The following BPIFC variants were observed in gnomAD, a reference collection of about 807,000 sequenced individuals.
BPIFC encodes BPI fold-containing family C protein.
BPIFC carries 60 observed loss-of-function variants against 57.6 expected under a neutral mutation model. That is an observed-to-expected ratio of 1.04 (90% CI 0.85 to 1.29). BPIFC has a LOEUF of 1.29. Ranked by LOEUF, BPIFC falls within the 50% of genes most tolerant of loss-of-function variation. BPIFC has a pLI of 0.00. For missense variants in BPIFC, 581 were observed against 600.5 expected (o/e 0.97, Z 0.34); for synonymous variants, 243 against 224.5 (o/e 1.08, Z -0.74).
chr22:32,421,303 C>T (rs1294355026), intron 13 of BPIFC, among the ~76,000 whole-genome samples: 1 of 152,166 alleles, frequency 6.6e-6, no homozygotes, highest in Non-Finnish European at 1.5e-5. Context: ...GAGAAGACTC[C>T]TTCATTTTGC....
At chr22:32,452,586 C>T (rs9609557) in intron 4 of BPIFC, among the ~76,000 whole-genome samples, 79,465 of 150,648 alleles carry the variant, frequency 0.53, 21,674 homozygotes, top group African/African-American at 0.64. Context: ...TGCAGTGAGC[C>T]GAGATCGCGC....
At chr22:32,416,984 A>T in intron 15 of BPIFC, 101 bp downstream of exon 15, 1 of 1,062,520 alleles carries the variant, frequency 9.4e-7, no homozygotes, top group South Asian at 1.3e-5. Flanking sequence ...TAGAAGTACA[A>T]GCTTCAGGGT....
chr22:32,437,358 G>A (rs568464272), intron 9 of BPIFC, among the ~76,000 whole-genome samples: 2 of 152,196 alleles, frequency 1.3e-5, no homozygotes, highest in South Asian at 2.1e-4. Context: ...CTTCTGTACA[G>A]AATCATTGTT....
At chr22:32,459,540 G>A (rs1935114396) in intron 2 of BPIFC, among the ~76,000 whole-genome samples, 1 of 152,122 alleles carries the variant, frequency 6.6e-6, no homozygotes, top group South Asian at 2.1e-4. Flanking sequence ...GCGGGCGCTT[G>A]TAGTCCCAGC....
rs567530855 is a variant in BPIFC, at chr22:32,435,152, C to T, written c.924+552G>A. On this transcript the variant is annotated intron_variant, in intron 10 of 16. Transcript: ENST00000300399. ...TTTTCCAGATGAAGAAATTCTGGCCCACAGAAGTTATATAAATTGAAATTA... is the reference window on the plus strand; with the variant it reads ...TTTTCCAGATGAAGAAATTCTGGCCTACAGAAGTTATATAAATTGAAATTA... Among the ~76,000 whole-genome samples, 141 of 152,108 alleles carry T rather than the reference C, an allele frequency of 9.3e-4. 2 individuals carry two copies. Among genetic ancestry groups the T allele is most frequent in the African/African-American group, 3.0e-3 (124 of 41,484 alleles).
chr22:32,432,269 T>C, intron 12 of BPIFC, 104 bp downstream of exon 12: 1 of 1,253,092 alleles, frequency 8.0e-7, no homozygotes, highest in East Asian at 2.3e-5. Flanking sequence ...TTAATCAATG[T>C]AGCATCCCCA....
chr22:32,416,056 G>A, intron 15 of BPIFC, 65 bp from the exon 16 acceptor site: 2 of 809,714 alleles, frequency 2.5e-6, no homozygotes, highest in East Asian at 3.5e-5. Flanking sequence ...AAGCTTTTTA[G>A]TAAGAGACTG....
At chr22:32,442,900 G>A (rs1399733086) in intron 7 of BPIFC, among the ~76,000 whole-genome samples, 169 bp from the exon 8 acceptor site, 5 of 152,128 alleles carry the variant, frequency 3.3e-5, no homozygotes, top group African/African-American at 1.2e-4. Flanking sequence ...CTCGCTTTAC[G>A]TAGATACGGG....
At chr22:32,454,302 C>CT (rs1934979995) in intron 3 of BPIFC, among the ~76,000 whole-genome samples, 1 of 152,284 alleles carries the variant, frequency 6.6e-6, no homozygotes, top group South Asian at 2.1e-4. Context: ...TAGGAAACTC[C>CT]TGAACTACAT....
chr22:32,424,662 CTTCTTCT>C lies in BPIFC; in HGVS notation c.1218-5265_1218-5259del, dbSNP rs1569448013. 1.8e-3 allele frequency among the ~76,000 whole-genome samples: 119 copies of C among 67,934 alleles called. 16 individuals are homozygous for C. In the East Asian group the frequency reaches 0.022, roughly 12 times the overall value. The allele number at this position is 67,934 out of a possible 152,430, so 44.6% of individuals were successfully genotyped here. ...TTCTTCTCTTCTTCTTCTTCTTCTT[CTTCTTCT>C]TCTTCTTCTTCTTCTTCTTCTTCCT... is the stretch of plus-strand genomic sequence containing the variant. On this transcript the variant is annotated intron_variant, in intron 13 of 16. Transcript: ENST00000300399.
intron 2 of BPIFC, among the ~76,000 whole-genome samples, chr22:32,461,085 A>G (rs931662645): frequency 6.6e-6 from 1 of 152,072 alleles, no homozygotes; most frequent in African/African-American, 2.4e-5. Flanking sequence ...CAGGAAGTTG[A>G]GTGCCAGATC....
At position 32,414,434 on chromosome 22, in the gene BPIFC, G is replaced by C; in HGVS notation, c.1402-9C>G. ...GAAATCAAAAGGAAACCCTGGAAAG[G>C]ATGTGACAATGAAGATAACGTCAAA... is the stretch of plus-strand genomic sequence containing the variant. On this transcript the variant is annotated splice_polypyrimidine_tract_variant and intron_variant, in intron 16 of 16. Transcript: ENST00000300399. 1 of 1,612,766 alleles carries C rather than the reference G, an allele frequency of 6.2e-7. No individual in the cohort carries two copies. Among genetic ancestry groups the C allele is most frequent in the Non-Finnish European group, 8.5e-7 (1 of 1,179,254 alleles).
intron 4 of BPIFC, among the ~76,000 whole-genome samples, chr22:32,449,439 A>G (rs73170355): frequency 2.0e-4 from 30 of 152,318 alleles, no homozygotes; most frequent in Non-Finnish European, 4.1e-4. Flanking sequence ...TGCTAATAAT[A>G]TTTCCTCTTC....
chr22:32,440,651 T>C (rs1934539716), intron 8 of BPIFC, among the ~76,000 whole-genome samples: 1 of 152,218 alleles, frequency 6.6e-6, no homozygotes, highest in Non-Finnish European at 1.5e-5. Flanking sequence ...TCTCAATAAA[T>C]GCTAAATCCC....
In BPIFC at chr22:32,457,277, C is replaced by G. The variant is rs1456048527; in HGVS notation, c.110G>C (p.Arg37Thr). 1 of 1,602,778 alleles carries G rather than the reference C, an allele frequency of 6.2e-7. No homozygotes were observed. Among genetic ancestry groups the G allele is most frequent in the Non-Finnish European group, 8.5e-7 (1 of 1,177,514 alleles). The part of the protein sequence containing the change: ...YPGIKARITQ[R>T]ALDYGVQAGM... ...ATCCAACTCACCATAGTCAAGTGCC[C>G]TCTGAGTAATCCTTGCCTTGATTCC... is the stretch of plus-strand genomic sequence containing the variant. Residue 37 changes from arginine to threonine, a missense_variant, in exon 3 of 17, where the codon AGG becomes ACG. Arg to Thr is a moderately conservative substitution (Grantham distance 71). Transcript: ENST00000300399.
At chr22:32,453,942 C>CAAA (rs34168726) in intron 3 of BPIFC, among the ~76,000 whole-genome samples, 7 of 145,988 alleles carry the variant, frequency 4.8e-5, no homozygotes, top group Non-Finnish European at 4.5e-5. Context: ...ACAACAACAA[C>CAAA]AAAAAAAAAA....
chr22:32,432,430 G>C lies in BPIFC; in HGVS notation c.1092C>G (p.Ile364Met), dbSNP rs1396735513. The C allele has an allele frequency of 1.4e-5, 22 of 1,614,014 alleles. No homozygotes were observed. The highest frequency in any genetic ancestry group is 1.9e-5 in the Non-Finnish European group (22 of 1,180,052). ...AGTTCTTGGGTTGGGTGAGCATCAT[G>C]ATGGAGGCAGGGATGTCCAGGGTGA... Reference protein sequence around the residue: ...GNFTLDIPASIMMLTQPKNST... With the variant: ...GNFTLDIPASMMMLTQPKNST... Residue 364 changes from isoleucine (I) to methionine (M), a missense_variant, in exon 12 of 17, where the codon ATC becomes ATG. Ile to Met is a conservative substitution (Grantham distance 10). Coordinates refer to ENST00000300399, the MANE Select transcript of BPIFC (RefSeq NM_174932.3).
rs372972204 is a variant in BPIFC, at chr22:32,431,446, C to T, written c.1150-32G>A. 84 of 1,200,402 alleles carry T rather than the reference C, an allele frequency of 7.0e-5. 1 individual carries two copies. The Admixed American group carries it at 9.3e-4, about 13-fold the overall frequency. The allele number at this position is 1,200,402 out of a possible 1,614,324, so 74.4% of individuals were successfully genotyped here. A position where few individuals can be genotyped will look rare whatever the true frequency, so the allele number is the denominator to read the frequency against. On this transcript the variant is annotated intron_variant, in intron 12 of 16. Transcript: ENST00000300399. ...ACAATAAAAGCATTTATTATTAAGA[C>T]GAGTGAGTGTCAATTTTGGCCATCA...
chr22:32,457,558 C>T (rs1292451391), intron 2 of BPIFC, among the ~76,000 whole-genome samples, 172 bp from the exon 3 acceptor site: 5 of 144,712 alleles, frequency 3.5e-5, no homozygotes, highest in African/African-American at 1.3e-4. Context: ...ACCATCCATC[C>T]GTCCATCCAT....
Sources: allele counts gnomAD v4.1 joint callset (sites outside exome capture counted in the v4.1 genomes callset), GRCh38; gene constraint gnomAD v4.1.1; transcripts MANE v1.5; gene names NCBI Gene and HGNC (gene_info 2026-07-23, HGNC 2026-07-21).